B4GALT5: variants seen among roughly 807,000 people sequenced by gnomAD.
B4GALT5 encodes the protein beta-1,4-galactosyltransferase 5, also known as UDP-Gal:beta-GlcNAc beta-1,4-galactosyltransferase 5.
In B4GALT5, 11 loss-of-function variants were observed where a neutral mutation model predicts 45.0. The observed-to-expected ratio is 0.24, with a 90% confidence interval of 0.15 to 0.40. The LOEUF (loss-of-function observed/expected upper bound fraction) is 0.40, where lower values mean the gene tolerates loss of function less well. B4GALT5 is among the 10% of genes least tolerant of loss of function. The pLI is 1.00. For missense variants in B4GALT5, 337 were observed against 500.2 expected, an observed-to-expected ratio of 0.67 and a Z score of 3.11; for synonymous variants, 185 against 182.9, an observed-to-expected ratio of 1.01 and a Z score of -0.09.
intron 1 of B4GALT5, among the ~76,000 whole-genome samples, chr20:49,699,276 C>A (rs2085851601): frequency 6.7e-6 from 1 of 149,170 alleles, no homozygotes. Flanking sequence ...CATGACTAGC[C>A]ATTTCAAAGC....
intron 1 of B4GALT5, among the ~76,000 whole-genome samples, chr20:49,695,626 G>C (rs536579940): frequency 1.3e-5 from 2 of 152,164 alleles, no homozygotes; most frequent in African/African-American, 2.4e-5. Context: ...GGCCAGGCTG[G>C]TCTTGAACTC....
At chr20:49,678,252 AG>A (rs1600545877) in intron 1 of B4GALT5, among the ~76,000 whole-genome samples, 2 of 152,370 alleles carry the variant, frequency 1.3e-5, no homozygotes, top group East Asian at 3.9e-4. Context: ...TAAAAGATGA[AG>A]GTCAACTTGG....
chr20:49,677,458 C>G (rs549754879), intron 1 of B4GALT5, among the ~76,000 whole-genome samples: 151 of 152,226 alleles, frequency 9.9e-4, no homozygotes, highest in African/African-American at 3.6e-3. Context: ...TATTTTTATC[C>G]CCTTTCACAC....
At chr20:49,642,426 T>G in intron 5 of B4GALT5, 42 bp downstream of exon 5, 1 of 1,451,462 alleles carries the variant, frequency 6.9e-7, no homozygotes, top group Non-Finnish European at 9.6e-7. Context: ...TAAACTGCTG[T>G]CTCAGAAGAG....
chr20:49,686,535 A>T (rs779937274), intron 1 of B4GALT5, among the ~76,000 whole-genome samples: 1 of 151,898 alleles, frequency 6.6e-6, no homozygotes, highest in Non-Finnish European at 1.5e-5. Flanking sequence ...AAAAAAAAAT[A>T]CATTTACTCT....
chr20:49,655,417 A>G lies in B4GALT5; in HGVS notation c.250+1151T>C, dbSNP rs138718966. Reference sequence around the variant, plus strand: ...ACTGCACTCCAGCCTGGGTGACAAGAGCAAAACTCCATCTCAAAAAAACCC... The same window carrying G: ...ACTGCACTCCAGCCTGGGTGACAAGGGCAAAACTCCATCTCAAAAAAACCC... On this transcript the variant is annotated intron_variant, in intron 2 of 8. Coordinates refer to ENST00000371711, the MANE Select transcript of B4GALT5 (RefSeq NM_004776.4). Among the ~76,000 whole-genome samples the G allele has an allele frequency of 8.9e-4, 136 of 152,188 alleles. 1 individual carries two copies. The highest frequency in any genetic ancestry group is 3.2e-3 in the African/African-American group (131 of 41,518).
Position 49,694,795 on chromosome 20 carries a change from G to A in B4GALT5, c.115+18781C>T, listed in dbSNP as rs530965466. Among the ~76,000 whole-genome samples the A allele has an allele frequency of 1.5e-4, 22 of 143,944 alleles. No individual in the cohort carries two copies. The South Asian group carries it at 4.4e-3, about 29-fold the overall frequency. The allele number at this position is 143,944 out of a possible 152,430, so 94.4% of individuals were successfully genotyped here. A position where few individuals can be genotyped will look rare whatever the true frequency, so the allele number is the denominator to read the frequency against. ...TTTGCATATGCACAATTTCATCCAC[G>A]AGGAAAACCCAGAAAACTACACCCA... On this transcript the variant is annotated intron_variant, in intron 1 of 8. Coordinates refer to ENST00000371711, the MANE Select transcript of B4GALT5 (RefSeq NM_004776.4).
At chr20:49,650,456 TAAAAAAA>T (rs141588605) in intron 2 of B4GALT5, among the ~76,000 whole-genome samples, 19 of 128,472 alleles carry the variant, frequency 1.5e-4, no homozygotes, top group Non-Finnish European at 2.8e-4. Context: ...CCATCTCTGC[TAAAAAAA>T]AAAAAAAAAA....
chr20:49,661,096 TATC>T (rs755435277), intron 1 of B4GALT5, among the ~76,000 whole-genome samples: 1 of 152,244 alleles, frequency 6.6e-6, no homozygotes, highest in Admixed American at 6.5e-5. Flanking sequence ...GTGAAGTAGA[TATC>T]ATCTTGAGTG....
At chr20:49,708,446 C>G (rs932231911) in intron 1 of B4GALT5, among the ~76,000 whole-genome samples, 16 of 152,070 alleles carry the variant, frequency 1.1e-4, no homozygotes, top group Non-Finnish European at 1.9e-4. Flanking sequence ...AGTATCAGAT[C>G]ATTGAAATCA....
chr20:49,685,040 T>C (rs1345491886), intron 1 of B4GALT5, among the ~76,000 whole-genome samples: 2 of 152,216 alleles, frequency 1.3e-5, no homozygotes, highest in Non-Finnish European at 2.9e-5. Flanking sequence ...TTCAACAATA[T>C]TGTTATTCTG....
chr20:49,639,346 C>T (rs1342541360), intron 7 of B4GALT5, among the ~76,000 whole-genome samples: 1 of 151,360 alleles, frequency 6.6e-6, no homozygotes, highest in African/African-American at 2.4e-5. Context: ...TTTCTAAAAA[C>T]TTGGATGTGT....
chr20:49,634,109 C>A lies in B4GALT5; in HGVS notation c.*2203G>T, dbSNP rs1280090521. On this transcript the variant is annotated 3_prime_UTR_variant, in exon 9 of 9. Coordinates refer to ENST00000371711, the MANE Select transcript of B4GALT5 (RefSeq NM_004776.4). ...TTACCGGCATTTTCAAGGGCAGGAACCTGCTCTCTCATATGAGCCGATAAG... is the reference window on the plus strand; with the variant it reads ...TTACCGGCATTTTCAAGGGCAGGAAACTGCTCTCTCATATGAGCCGATAAG... The A allele has an allele frequency of 6.6e-6, 1 of 152,576 alleles. No individual in the cohort carries two copies. Among genetic ancestry groups the A allele is most frequent in the Non-Finnish European group, 1.5e-5 (1 of 68,036 alleles). 9.5% of individuals were successfully genotyped at this position (152,576 alleles called of 1,614,324 possible).
chr20:49,656,921 A>G (rs2273087), intron 1 of B4GALT5, among the ~76,000 whole-genome samples: 2,441 of 152,278 alleles, frequency 0.016, 39 homozygotes, highest in East Asian at 0.083. Flanking sequence ...GTCAATATCC[A>G]ACAGTTCTAG....
intron 1 of B4GALT5, among the ~76,000 whole-genome samples, chr20:49,709,436 A>G (rs980877457): frequency 6.6e-6 from 1 of 152,152 alleles, no homozygotes; most frequent in Non-Finnish European, 1.5e-5. Context: ...TTCTCCTTTT[A>G]AATTGCTGAT....
intron 1 of B4GALT5, among the ~76,000 whole-genome samples, chr20:49,664,662 G>C (rs1340604144): frequency 1.3e-5 from 2 of 152,134 alleles, no homozygotes; most frequent in Non-Finnish European, 1.5e-5. Flanking sequence ...ATTAAACATG[G>C]AATGTATATC....
intron 8 of B4GALT5, 132 bp downstream of exon 8, chr20:49,637,209 A>G: frequency 1.3e-6 from 1 of 752,980 alleles, no homozygotes; most frequent in Admixed American, 2.0e-5. Context: ...AATACATGCA[A>G]CAGCTGTCAA....
At chr20:49,651,513 T>C (rs1261608195) in intron 2 of B4GALT5, among the ~76,000 whole-genome samples, 1 of 150,540 alleles carries the variant, frequency 6.6e-6, no homozygotes, top group Middle Eastern at 3.2e-3. Flanking sequence ...CGCTTGAACC[T>C]GGGAGGCAGA....
chr20:49,698,910 G>A (rs1408587685), intron 1 of B4GALT5, among the ~76,000 whole-genome samples: 1 of 151,962 alleles, frequency 6.6e-6, no homozygotes, highest in Admixed American at 6.6e-5. Context: ...CCAACCACAC[G>A]GTTTTCCAAT....
Sources: gnomAD v4.1 joint callset for allele counts (sites outside exome capture counted in the v4.1 genomes callset) on GRCh38, gnomAD v4.1.1 for gene constraint, MANE v1.5 for transcripts, NCBI Gene and HGNC (gene_info 2026-07-23, HGNC 2026-07-21) for gene names.